The following CADM2 variants were observed in gnomAD, a reference collection of about 807,000 sequenced individuals.
The protein encoded by CADM2 is cell adhesion molecule 2, also known as immunoglobulin superfamily member 4D.
In CADM2, 12 loss-of-function variants were observed where a neutral mutation model predicts 49.8. The observed-to-expected ratio is 0.24, with a 90% CI of 0.15 to 0.39. The LOEUF (loss-of-function observed/expected upper bound fraction) is 0.39. CADM2 is among the 10% of genes least tolerant of loss of function. The probability of loss-of-function intolerance (pLI) is 1.00; values close to 1 mark genes in which losing one functional copy is unlikely to be tolerated. For synonymous variants in CADM2, 214 were observed against 175.4 expected, an observed-to-expected ratio of 1.22 and a Z score of -1.74; for missense variants, 378 against 492.3, an observed-to-expected ratio of 0.77 and a Z score of 2.20.
chr3:85,885,851 C>CA (rs34486931), intron 4 of CADM2, among the ~76,000 whole-genome samples: 12,983 of 91,432 alleles, frequency 0.14, 2,540 homozygotes, highest in African/African-American at 0.43. Context: ...GATCCTGTCT[C>CA]AAAAAAAAAA....
At chr3:85,033,571 G>A (rs1391131812) in intron 1 of CADM2, among the ~76,000 whole-genome samples, 4 of 152,028 alleles carry the variant, frequency 2.6e-5, no homozygotes, top group Admixed American at 1.3e-4. Flanking sequence ...TTCCTGATGC[G>A]GTTATATTGT....
At chr3:85,634,288 C>A (rs574900380) in intron 1 of CADM2, among the ~76,000 whole-genome samples, 1 of 151,938 alleles carries the variant, frequency 6.6e-6, no homozygotes, top group Non-Finnish European at 1.5e-5. Context: ...GAATTTCAAA[C>A]GTGAATTTCA....
At chr3:85,345,313 C>CAAAAAAAAAAAAAAAAAAA (rs3085180) in intron 1 of CADM2, among the ~76,000 whole-genome samples, 10 of 47,162 alleles carry the variant, frequency 2.1e-4, no homozygotes, top group Admixed American at 3.8e-4. Flanking sequence ...GTCTCCATCT[C>CAAAAAAAAAAAAAAAAAAA]AAAAAAAAAA....
chr3:85,990,929 A>T (rs1281359571), intron 8 of CADM2, among the ~76,000 whole-genome samples: 1 of 152,154 alleles, frequency 6.6e-6, no homozygotes, highest in East Asian at 1.9e-4. Flanking sequence ...TGTCATAAGG[A>T]TTATTTTGAA....
chr3:85,414,352 GA>G (rs2035820445), intron 1 of CADM2, among the ~76,000 whole-genome samples: 1 of 152,034 alleles, frequency 6.6e-6, no homozygotes, highest in Non-Finnish European at 1.5e-5. Context: ...CTTTCATAAG[GA>G]AGAAAAAAAT....
rs372381307 is a variant in CADM2, at chr3:85,925,029, T to A, written c.701-10738T>A. ...CACTTTGTTAATTTTTCCTTTGCCT[T>A]AAATCCCTTCTTTTCTTTCCCTCTA... On this transcript the variant is annotated intron_variant, in intron 6 of 9. Coordinates refer to ENST00000383699, the MANE Select transcript of CADM2 (RefSeq NM_001167675.2). Among the ~76,000 whole-genome samples the A allele has an allele frequency of 3.3e-5, 5 of 152,318 alleles. No homozygotes were observed. The East Asian group carries it at 5.8e-4, about 18-fold the overall frequency.
At chr3:85,386,242 G>T (rs1462731205) in intron 1 of CADM2, among the ~76,000 whole-genome samples, 2 of 152,104 alleles carry the variant, frequency 1.3e-5, no homozygotes, top group East Asian at 1.9e-4. Flanking sequence ...TGGTTACTTT[G>T]AGAGATATGC....
At chr3:85,640,970 C>G (rs1394633352) in intron 1 of CADM2, among the ~76,000 whole-genome samples, 1 of 152,136 alleles carries the variant, frequency 6.6e-6, no homozygotes, top group African/African-American at 2.4e-5. Context: ...TGCTCACATT[C>G]CAGAGCCAAC....
chr3:85,289,535 C>T (rs925461184), intron 1 of CADM2, among the ~76,000 whole-genome samples: 3 of 152,132 alleles, frequency 2.0e-5, no homozygotes, highest in African/African-American at 7.2e-5. Context: ...CATGAACCTT[C>T]TTTAGTGTGT....
chr3:85,449,052 A>AAAAAAAAAT (rs71617939), intron 1 of CADM2, among the ~76,000 whole-genome samples: 11 of 107,432 alleles, frequency 1.0e-4, no homozygotes, highest in South Asian at 6.2e-4. Flanking sequence ...TCCAACTCAA[A>AAAAAAAAAT]AATAATAATA....
intron 8 of CADM2, among the ~76,000 whole-genome samples, chr3:86,009,559 G>T (rs1731233720): frequency 2.0e-5 from 3 of 151,740 alleles, no homozygotes; most frequent in South Asian, 4.1e-4. Flanking sequence ...AACATATTTT[G>T]TAGGTTTTAC....
intron 1 of CADM2, among the ~76,000 whole-genome samples, chr3:85,075,072 A>T (rs2036892128): frequency 6.6e-6 from 1 of 152,104 alleles, no homozygotes; most frequent in Admixed American, 6.5e-5. Flanking sequence ...AAAGGAGGGG[A>T]AAAAAGAACA....
intron 1 of CADM2, among the ~76,000 whole-genome samples, chr3:85,432,712 A>G (rs535922196): frequency 2.0e-4 from 31 of 152,284 alleles, no homozygotes; most frequent in African/African-American, 7.5e-4. Context: ...TGTCAGTAAC[A>G]TATATTTTCT....
At chr3:85,530,559 G>C (rs1450287906) in intron 1 of CADM2, among the ~76,000 whole-genome samples, 1 of 151,870 alleles carries the variant, frequency 6.6e-6, no homozygotes, top group Non-Finnish European at 1.5e-5. Context: ...TCAATCTCCT[G>C]ACTTCATGAT....
intron 1 of CADM2, among the ~76,000 whole-genome samples, chr3:85,046,904 A>G (rs2035686305): frequency 6.6e-6 from 1 of 151,610 alleles, no homozygotes; most frequent in Non-Finnish European, 1.5e-5. Flanking sequence ...CACGTCATAC[A>G]TATAGGTGAG....
intron 1 of CADM2, among the ~76,000 whole-genome samples, chr3:84,991,519 T>C (rs574551513): frequency 6.6e-6 from 1 of 152,262 alleles, no homozygotes; most frequent in African/African-American, 2.4e-5. Flanking sequence ...ACTAATAGTC[T>C]TCTACACACA....
intron 1 of CADM2, among the ~76,000 whole-genome samples, chr3:85,187,964 G>T (rs2041104373): frequency 6.6e-6 from 1 of 151,736 alleles, no homozygotes. Flanking sequence ...TATAATGTAA[G>T]TTACAGTTGA....
chr3:84,962,568 C>A (rs1482969056), intron 1 of CADM2, among the ~76,000 whole-genome samples: 1 of 152,052 alleles, frequency 6.6e-6, no homozygotes, highest in Non-Finnish European at 1.5e-5. Flanking sequence ...AAATACTTAG[C>A]GGGTCTTTCT....
chr3:85,286,823 G>T (rs561132523), intron 1 of CADM2, among the ~76,000 whole-genome samples: 23 of 152,072 alleles, frequency 1.5e-4, no homozygotes, highest in South Asian at 1.5e-3. Flanking sequence ...CAGGCTAGAG[G>T]CATTTAGTAT....
Sources: allele counts gnomAD v4.1 joint callset (sites outside exome capture counted in the v4.1 genomes callset), GRCh38; gene constraint gnomAD v4.1.1; transcripts MANE v1.5; gene names NCBI Gene and HGNC (gene_info 2026-07-23, HGNC 2026-07-21).